The following STK32B variants were observed in gnomAD, a reference collection of about 807,000 sequenced individuals.
The protein encoded by STK32B is serine/threonine kinase 32B.
A neutral mutation model predicts 52.6 loss-of-function variants in STK32B; 43 were observed. The ratio of observed to expected loss-of-function variants is 0.82; its 90% CI spans 0.64 to 1.05. The LOEUF is 1.05. STK32B is among the 50% of genes least tolerant of loss of function. The pLI is 0.00. For synonymous variants in STK32B, 238 were observed against 204.3 expected, an observed-to-expected ratio of 1.17 and a Z score of -1.41; for missense variants, 621 against 534.6, an observed-to-expected ratio of 1.16 and a Z score of -1.59.
At chr4:5,169,884 C>G (rs1560194177) in intron 3 of STK32B, among the ~76,000 whole-genome samples, 1 of 151,914 alleles carries the variant, frequency 6.6e-6, no homozygotes, top group Non-Finnish European at 1.5e-5. Flanking sequence ...TATTTTTATA[C>G]TCCTTTTCTT....
At chr4:5,133,314 G>A (rs369348716) in intron 1 of STK32B, among the ~76,000 whole-genome samples, 6 of 152,274 alleles carry the variant, frequency 3.9e-5, no homozygotes, top group East Asian at 1.9e-4. Flanking sequence ...TTTTGAATGA[G>A]TGACTAATGG....
chr4:5,105,007 A>T (rs1008007269), intron 1 of STK32B, among the ~76,000 whole-genome samples: 1 of 152,230 alleles, frequency 6.6e-6, no homozygotes, highest in Non-Finnish European at 1.5e-5. Context: ...GCCTGTGCTC[A>T]ATTATCTAAA....
intron 3 of STK32B, among the ~76,000 whole-genome samples, chr4:5,174,365 G>C (rs1719648181): frequency 6.6e-6 from 1 of 152,088 alleles, no homozygotes; most frequent in African/African-American, 2.4e-5. Context: ...TGGTTATTTT[G>C]CTCGTTAGTT....
intron 3 of STK32B, among the ~76,000 whole-genome samples, chr4:5,246,752 G>T (rs566012423): frequency 1.2e-4 from 18 of 152,182 alleles, no homozygotes; most frequent in African/African-American, 3.9e-4. Context: ...CGGGTTTTTG[G>T]TGTGGATGTC....
rs76608459 is a variant in STK32B at position 5,154,835 on chromosome 4, G to A, written c.109-13464G>A. On this transcript the variant is annotated intron_variant, in intron 2 of 11. Coordinates refer to ENST00000282908, the MANE Select transcript of STK32B (RefSeq NM_018401.3). ...GTAAGTGCTGGCTTAGTGAGTGCTCGGGTGAGAGAGGGAAGAGGACAGCAA... is the reference window on the plus strand; with the variant it reads ...GTAAGTGCTGGCTTAGTGAGTGCTCAGGTGAGAGAGGGAAGAGGACAGCAA... 3.2e-4 allele frequency among the ~76,000 whole-genome samples: 48 copies of A among 152,282 alleles called. No homozygotes were observed. The East Asian group carries it at 8.3e-3, about 26-fold the overall frequency.
chr4:5,371,681 G>T (rs1311133911), intron 4 of STK32B, among the ~76,000 whole-genome samples: 2 of 152,146 alleles, frequency 1.3e-5, no homozygotes, highest in Non-Finnish European at 2.9e-5. Context: ...AATATTTCAG[G>T]CTTGCATACC....
At chr4:5,174,001 A>G (rs984591354) in intron 3 of STK32B, among the ~76,000 whole-genome samples, 3 of 152,176 alleles carry the variant, frequency 2.0e-5, no homozygotes, top group African/African-American at 7.2e-5. Flanking sequence ...TATTGGGTGC[A>G]TATATATTTA....
intron 3 of STK32B, among the ~76,000 whole-genome samples, chr4:5,324,843 A>C (rs769569589): frequency 6.6e-6 from 1 of 152,218 alleles, no homozygotes; most frequent in Non-Finnish European, 1.5e-5. Flanking sequence ...GACTTGTCCT[A>C]ACATGACGGC....
chr4:5,303,152 G>T (rs1195032138), intron 3 of STK32B, among the ~76,000 whole-genome samples: 1 of 151,978 alleles, frequency 6.6e-6, no homozygotes, highest in African/African-American at 2.4e-5. Context: ...GTGTGTGCAG[G>T]TATCTTTTTT....
chr4:5,353,881 G>A (rs1734006613), intron 4 of STK32B, among the ~76,000 whole-genome samples: 1 of 152,186 alleles, frequency 6.6e-6, no homozygotes, highest in Non-Finnish European at 1.5e-5. Context: ...TCCCACTACT[G>A]GGTGTTTATG....
intron 3 of STK32B, among the ~76,000 whole-genome samples, chr4:5,190,639 G>A (rs1721114457): frequency 1.3e-5 from 2 of 152,140 alleles, no homozygotes; most frequent in South Asian, 4.1e-4. Context: ...ACGGAGATCG[G>A]CAAAACTCAA....
intron 3 of STK32B, among the ~76,000 whole-genome samples, chr4:5,211,039 C>T (rs1435618647): frequency 6.6e-6 from 1 of 152,042 alleles, no homozygotes; most frequent in Non-Finnish European, 1.5e-5. Context: ...AAATGATCCT[C>T]CCACTTTAGC....
At chr4:5,024,076 T>G in the STK32B span, among the ~76,000 whole-genome samples, 1 of 152,228 alleles carries the variant, frequency 6.6e-6, no homozygotes, top group South Asian at 2.1e-4. Flanking sequence ...AGGAACTCAA[T>G]GAAGTCACTA....
At chr4:5,497,528 G>A (rs1362160765) in intron 11 of STK32B, among the ~76,000 whole-genome samples, 1 of 152,210 alleles carries the variant, frequency 6.6e-6, no homozygotes, top group Non-Finnish European at 1.5e-5. Context: ...CTGGAGAGCT[G>A]CAAGCCTTGG....
intron 6 of STK32B, among the ~76,000 whole-genome samples, chr4:5,436,452 C>G (rs1219596034): frequency 6.6e-6 from 1 of 152,122 alleles, no homozygotes; most frequent in Non-Finnish European, 1.5e-5. Context: ...ATGAAACAGC[C>G]ACCGTGATGG....
intron 2 of STK32B, among the ~76,000 whole-genome samples, chr4:5,148,915 A>T (rs764948457): frequency 5.3e-5 from 8 of 151,856 alleles, no homozygotes; most frequent in Non-Finnish European, 1.2e-4. Context: ...TTAGATGCAT[A>T]CATATTTATG....
At chr4:5,336,448 A>G (rs1732702254) in intron 4 of STK32B, among the ~76,000 whole-genome samples, 1 of 152,142 alleles carries the variant, frequency 6.6e-6, no homozygotes, top group South Asian at 2.1e-4. Flanking sequence ...AAATAGAAAA[A>G]AATAATAAAG....
chr4:5,323,775 G>C (rs982377123), intron 3 of STK32B, among the ~76,000 whole-genome samples: 27 of 152,172 alleles, frequency 1.8e-4, no homozygotes, highest in African/African-American at 6.3e-4. Flanking sequence ...GGATGGTGCT[G>C]AATTAGCTAG....
intron 2 of STK32B, among the ~76,000 whole-genome samples, chr4:5,167,137 G>C (rs919186731): frequency 1.1e-4 from 16 of 151,952 alleles, no homozygotes; most frequent in Admixed American, 3.9e-4. Context: ...TTTAGAGCTT[G>C]CCCCCTGGTT....
Sources: gnomAD v4.1 joint callset for allele counts (sites outside exome capture counted in the v4.1 genomes callset) on GRCh38, gnomAD v4.1.1 for gene constraint, MANE v1.5 for transcripts, NCBI Gene and HGNC (gene_info 2026-07-23, HGNC 2026-07-21) for gene names.